The following DNAJB1 variants were observed in gnomAD, a reference collection of about 807,000 sequenced individuals.
DNAJB1 encodes dnaJ homolog subfamily B member 1.
Under a neutral mutation model 24.0 loss-of-function variants are expected in DNAJB1, and 14 were observed. The observed-to-expected ratio is 0.58, with a 90% CI of 0.39 to 0.91. The LOEUF is 0.91. Ranked by LOEUF, DNAJB1 falls within the 40% of genes least tolerant of loss-of-function variation. The pLI is 0.00. For missense variants in DNAJB1, 517 were observed against 458.1 expected (o/e 1.13, Z -1.17); for synonymous variants, 262 against 174.4 (o/e 1.50, Z -3.96).
chr19:14,557,968 G>C (rs1162748417), intron 1 of DNAJB1, among the ~76,000 whole-genome samples: 1 of 150,280 alleles, frequency 6.7e-6, no homozygotes, highest in Non-Finnish European at 1.5e-5. Context: ...TGTTAGCCAG[G>C]ATGGTCTCGA....
At chr19:14,549,371 C>T (rs1458949240) in intron 1 of DNAJB1, among the ~76,000 whole-genome samples, 2 of 151,996 alleles carry the variant, frequency 1.3e-5, no homozygotes, top group Admixed American at 6.6e-5. Flanking sequence ...CGCCACCATG[C>T]CCAGCTAACT....
At chr19:14,518,402 C>T, upstream of DNAJB1, 2 of 1,496,808 alleles carry the variant, frequency 1.3e-6, no homozygotes, top group South Asian at 1.3e-5. Context: ...GGCTCCGCCG[C>T]CGACCAGTCC....
At chr19:14,552,307 T>A (rs2073556189), upstream of DNAJB1, among the ~76,000 whole-genome samples, 1 of 151,376 alleles carries the variant, frequency 6.6e-6, no homozygotes, top group African/African-American at 2.4e-5. Context: ...CTGCTGGGAT[T>A]ATAGGCGTGA....
chr19:14,545,704 C>G (rs2073284180), intron 1 of DNAJB1: 1 of 161,826 alleles, frequency 6.2e-6, no homozygotes, highest in Non-Finnish European at 1.4e-5. Context: ...GCACAGTTAG[C>G]AGAAAAGGTT....
chr19:14,538,889 G>A (rs1297490582), intron 1 of DNAJB1, among the ~76,000 whole-genome samples: 1 of 151,868 alleles, frequency 6.6e-6, no homozygotes, highest in Admixed American at 6.6e-5. Flanking sequence ...ACAGACTGAT[G>A]TCAAATCATA....
upstream of DNAJB1, chr19:14,529,398 CCTTCT>C: frequency 1.8e-6 from 1 of 570,772 alleles, no homozygotes. Context: ...TGGTCAAGCC[CCTTCT>C]CTTTAGCCCC....
chr19:14,516,964 A>G lies in DNAJB1; in HGVS notation c.294T>C (p.Pro98=), dbSNP rs749024077. ...TSFSYTFHGD[P]HAMFAEFFGG... is the part of the protein sequence containing the mutation. ...CGAAGAACTCAGCAAACATGGCATG[A>G]GGGTCTCCATGGAATGTGTAGCTGA... Residue 98 remains proline (P), a synonymous_variant, in exon 2 of 3, where the codon CCT becomes CCC. Coordinates refer to ENST00000254322, the MANE Select transcript of DNAJB1 (RefSeq NM_006145.3). 2 of 1,613,336 alleles carry G rather than the reference A, an allele frequency of 1.2e-6. No homozygotes were observed. Among genetic ancestry groups the G allele is most frequent in the African/African-American group, 1.3e-5 (1 of 75,014 alleles).
intron 1 of DNAJB1, among the ~76,000 whole-genome samples, chr19:14,543,441 T>A (rs1311367797): frequency 0.019 from 981 of 51,228 alleles, 48 homozygotes; most frequent in Non-Finnish European, 0.036. Flanking sequence ...TTTTTTTTTT[T>A]TTTTTTTTTT....
upstream of DNAJB1, among the ~76,000 whole-genome samples, chr19:14,533,250 G>T (rs1419910941): frequency 6.6e-6 from 1 of 151,964 alleles, no homozygotes; most frequent in East Asian, 1.9e-4. Context: ...ATGAAACTCC[G>T]TCTCTACAAA....
chr19:14,516,733 G>T lies in DNAJB1; in HGVS notation c.525C>A (p.Ile175=). The change falls in exon 2 of 3, where the codon ATC becomes ATA. Residue 175 remains isoleucine (I), a synonymous_variant. Transcript: ENST00000254322. ...TCATCTTCTTGGTACAGCCGCTGTA[G>T]ATCTCTTCAAGGGAGACTCGAAGGT... ...THDLRVSLEE[I]YSGCTKKMKI... The T allele has an allele frequency of 6.2e-7, 1 of 1,614,120 alleles. No homozygotes were observed. Among genetic ancestry groups the T allele is most frequent in the Middle Eastern group, 1.7e-4 (1 of 6,028 alleles).
chr19:14,517,163 G>A, intron 1 of DNAJB1, 117 bp from the exon 2 acceptor site: 1 of 1,063,174 alleles, frequency 9.4e-7, no homozygotes, highest in Non-Finnish European at 1.3e-6. Context: ...GTCTGTCAGG[G>A]GAGAGCAAGG....
At chr19:14,532,181 C>G (rs2072696675), upstream of DNAJB1, 1 of 152,166 alleles carries the variant, frequency 6.6e-6, no homozygotes, top group South Asian at 2.1e-4. Flanking sequence ...AAGCTGGGCA[C>G]AGCCTGAGGC....
At chr19:14,534,193 T>C (rs8112536), upstream of DNAJB1, 30,304 of 150,598 alleles carry the variant, frequency 0.2, 3,408 homozygotes, top group African/African-American at 0.3. Flanking sequence ...GGCTCCATCT[T>C]GGCTCACTGT....
intron 2 of DNAJB1, 83 bp from the exon 3 acceptor site, chr19:14,516,253 G>A: frequency 1.3e-6 from 2 of 1,483,236 alleles, no homozygotes; most frequent in Non-Finnish European, 1.8e-6. Context: ...CCATAGATAA[G>A]ACCCATCAGG....
chr19:14,533,210 CAGG>C (rs1172484489), upstream of DNAJB1, among the ~76,000 whole-genome samples: 1 of 152,068 alleles, frequency 6.6e-6, no homozygotes, highest in Non-Finnish European at 1.5e-5. Context: ...CATGTGAGGT[CAGG>C]AGTTTGAGAC....
At chr19:14,530,355 T>C (rs957627030), upstream of DNAJB1, 1 of 153,694 alleles carries the variant, frequency 6.5e-6, no homozygotes, top group African/African-American at 2.4e-5. Flanking sequence ...CTAACTTGGG[T>C]CTCTTTTTCC....
At chr19:14,557,536 C>T (rs530078823) in intron 1 of DNAJB1, among the ~76,000 whole-genome samples, 1 of 149,922 alleles carries the variant, frequency 6.7e-6, no homozygotes, top group African/African-American at 2.5e-5. Context: ...ACTGCAACCT[C>T]CTCCTCCTGG....
At chr19:14,544,783 C>A (rs1428752683) in intron 1 of DNAJB1, among the ~76,000 whole-genome samples, 1 of 151,964 alleles carries the variant, frequency 6.6e-6, no homozygotes, top group East Asian at 1.9e-4. Context: ...CAGGTGCATG[C>A]CATCACGCCC....
rs568873708 is a variant in DNAJB1 at position 14,558,865 on chromosome 19, C to G, written c.-2166+1166G>C. ...AGATGGGGCCAGAGCCTGCCACCTC[C>G]CCGTCTGTGCTCAGGATCCCCTGCC... On this transcript the variant is annotated intron_variant, in intron 1 of 5. Transcript: ENST00000679223. 2.0e-5 allele frequency among the ~76,000 whole-genome samples: 3 copies of G among 152,324 alleles called. No homozygotes were observed. In the East Asian group the frequency reaches 5.8e-4, roughly 29 times the overall value.
Sources: allele counts gnomAD v4.1 joint callset (sites outside exome capture counted in the v4.1 genomes callset), GRCh38; gene constraint gnomAD v4.1.1; transcripts MANE v1.5; gene names NCBI Gene and HGNC (gene_info 2026-07-23, HGNC 2026-07-21).